The following AXDND1 variants were observed in gnomAD, a reference collection of about 807,000 sequenced individuals.
AXDND1 encodes axonemal dynein light chain domain-containing protein 1.
Under a neutral mutation model 137.5 loss-of-function variants are expected in AXDND1, and 110 were observed. The ratio of observed to expected loss-of-function variants is 0.80; its 90% CI spans 0.69 to 0.94. AXDND1 has a LOEUF of 0.94. Among genes scored for constraint, AXDND1 ranks in the 40% least tolerant of loss-of-function variants. The pLI is 0.00. For missense variants in AXDND1, 1,191 were observed against 1,169.8 expected, an observed-to-expected ratio of 1.02 and a Z score of -0.26; for synonymous variants, 414 against 399.7, an observed-to-expected ratio of 1.04 and a Z score of -0.43.
chr1:179,469,286 C>G (rs1663630582), intron 17 of AXDND1, among the ~76,000 whole-genome samples: 1 of 152,086 alleles, frequency 6.6e-6, no homozygotes, highest in South Asian at 2.1e-4. Flanking sequence ...TTGTGTCTAA[C>G]TTCTTTGACT....
At chr1:179,536,194 G>A (rs555129677) in intron 25 of AXDND1, among the ~76,000 whole-genome samples, 1 of 152,254 alleles carries the variant, frequency 6.6e-6, no homozygotes, top group East Asian at 1.9e-4. Context: ...TTCTTTTGCT[G>A]TGCAGAAGCT....
At chr1:179,548,746 T>C (rs1461755492) in intron 25 of AXDND1, 2 of 152,206 alleles carry the variant, frequency 1.3e-5, no homozygotes, top group Non-Finnish European at 2.9e-5. Flanking sequence ...AATGACCTGC[T>C]GAGCCTTCTA....
chr1:179,442,762 CCAGCAGACCTT>C (rs1659175059), intron 15 of AXDND1, among the ~76,000 whole-genome samples: 1 of 152,180 alleles, frequency 6.6e-6, no homozygotes, highest in African/African-American at 2.4e-5. Flanking sequence ...TTCCTCTGTT[CCAGCAGACCTT>C]CTTTGTTCAC....
intron 23 of AXDND1, among the ~76,000 whole-genome samples, chr1:179,529,016 T>C (rs1477940562): frequency 6.6e-6 from 1 of 152,234 alleles, no homozygotes; most frequent in East Asian, 1.9e-4. Flanking sequence ...AATAAGCACA[T>C]ACCCATAAGA....
At chr1:179,381,943 A>ATTT (rs71111920) in intron 6 of AXDND1, among the ~76,000 whole-genome samples, 108 of 105,426 alleles carry the variant, frequency 1.0e-3, no homozygotes, top group Admixed American at 2.0e-3. Context: ...ACCACACCTA[A>ATTT]TTTTTTTTTT....
intron 15 of AXDND1, among the ~76,000 whole-genome samples, chr1:179,439,985 G>A (rs4651029): frequency 0.32 from 49,031 of 152,048 alleles, 8,275 homozygotes; most frequent in Middle Eastern, 0.43. Context: ...TAACATTTTC[G>A]GATAAATTTT....
chr1:179,509,414 C>T lies in AXDND1; in HGVS notation c.2496+11C>T. 6.6e-7 allele frequency: 1 copy of T among 1,514,000 alleles called. No homozygotes were observed. Among genetic ancestry groups the T allele is most frequent in the Non-Finnish European group, 9.2e-7 (1 of 1,090,152 alleles). The allele number at this position is 1,514,000 out of a possible 1,614,324, so 93.8% of individuals were successfully genotyped here. A position where few individuals can be genotyped will look rare whatever the true frequency, so the allele number is the denominator to read the frequency against. On this transcript the variant is annotated intron_variant, in intron 21 of 25. Coordinates refer to ENST00000367618, the MANE Select transcript of AXDND1 (RefSeq NM_144696.6). ...CGGCTACTTGAAGAGGTATTTGCCA[C>T]ATGTTAGCGTTGGTCATTATTCAGA...
chr1:179,508,568 G>C (rs1668743986), intron 20 of AXDND1, among the ~76,000 whole-genome samples: 1 of 152,102 alleles, frequency 6.6e-6, no homozygotes, highest in South Asian at 2.1e-4. Context: ...ACTGTTAGGA[G>C]ATCTTGGTAA....
At chr1:179,510,512 T>C (rs760159301) in intron 21 of AXDND1, among the ~76,000 whole-genome samples, 6 of 152,126 alleles carry the variant, frequency 3.9e-5, no homozygotes, top group Non-Finnish European at 7.4e-5. Context: ...CTTTAACAAA[T>C]GTGCTGTCTA....
At chr1:179,537,910 T>C (rs560201408) in intron 25 of AXDND1, among the ~76,000 whole-genome samples, 1 of 152,150 alleles carries the variant, frequency 6.6e-6, no homozygotes, top group East Asian at 1.9e-4. Context: ...GTCTTCCTGG[T>C]TTAGTCTTGG....
chr1:179,505,265 A>G (rs1053568451), intron 20 of AXDND1, among the ~76,000 whole-genome samples: 1 of 151,830 alleles, frequency 6.6e-6, no homozygotes, highest in African/African-American at 2.4e-5. Context: ...TACTAGACTG[A>G]TATTTGGATG....
At chr1:179,526,986 C>T (rs1208124612) in intron 22 of AXDND1, among the ~76,000 whole-genome samples, 1 of 152,214 alleles carries the variant, frequency 6.6e-6, no homozygotes, top group Non-Finnish European at 1.5e-5. Flanking sequence ...TGTCATGATT[C>T]AGAGCCCAGG....
chr1:179,410,727 C>A (rs1653742510), intron 11 of AXDND1, among the ~76,000 whole-genome samples: 1 of 152,066 alleles, frequency 6.6e-6, no homozygotes, highest in African/African-American at 2.4e-5. Flanking sequence ...GGACTTTGTA[C>A]CTTTCATAAA....
In AXDND1 at chr1:179,383,528, A is replaced by T; in HGVS notation, c.725A>T (p.Tyr242Phe). ...AGGGCTGGTGTGGAAAATCAGGAAT[A>T]TACAGGACCAACGAAGGTAATTGCA... ...LERAGVENQE[Y>F]TGPTKMHKLL... Residue 242 changes from tyrosine to phenylalanine, a missense_variant, in exon 8 of 26, where the codon TAT (tyrosine) becomes TTT (phenylalanine). Tyr to Phe is a conservative substitution (Grantham distance 22, BLOSUM62 3). Coordinates refer to ENST00000367618, the MANE Select transcript of AXDND1 (RefSeq NM_144696.6). 3 of 1,613,398 alleles carry T rather than the reference A, an allele frequency of 1.9e-6. No individual in the cohort carries two copies. The highest frequency in any genetic ancestry group is 2.5e-6 in the Non-Finnish European group (3 of 1,179,410).
chr1:179,441,860 T>C (rs946901475), intron 15 of AXDND1, among the ~76,000 whole-genome samples: 7 of 152,176 alleles, frequency 4.6e-5, no homozygotes, highest in Non-Finnish European at 1.0e-4. Flanking sequence ...TCTTGCCAAT[T>C]TAAATTCCAT....
At chr1:179,495,762 C>G (rs945794095) in intron 20 of AXDND1, among the ~76,000 whole-genome samples, 2 of 151,704 alleles carry the variant, frequency 1.3e-5, no homozygotes, top group African/African-American at 4.8e-5. Flanking sequence ...GAGCAGATAT[C>G]CTTGCCTTGG....
At chr1:179,530,257 C>A (rs12140376) in intron 23 of AXDND1, among the ~76,000 whole-genome samples, 15,730 of 152,128 alleles carry the variant, frequency 0.1, 1,133 homozygotes, top group East Asian at 0.35. Flanking sequence ...TCTTGAACTC[C>A]TGACCTCATG....
At chr1:179,537,005 T>G (rs1446645273) in intron 25 of AXDND1, among the ~76,000 whole-genome samples, 1 of 152,254 alleles carries the variant, frequency 6.6e-6, no homozygotes, top group African/African-American at 2.4e-5. Flanking sequence ...ATGATTTGGC[T>G]GTTTGTCTGT....
intron 4 of AXDND1, among the ~76,000 whole-genome samples, chr1:179,375,170 C>G (rs548249871): frequency 6.6e-6 from 1 of 151,824 alleles, no homozygotes; most frequent in African/African-American, 2.4e-5. Flanking sequence ...GTGATCTTGG[C>G]TCACTGCAAC....
Sources: gnomAD v4.1 joint callset for allele counts (sites outside exome capture counted in the v4.1 genomes callset) on GRCh38, gnomAD v4.1.1 for gene constraint, MANE v1.5 for transcripts, NCBI Gene and HGNC (gene_info 2026-07-23, HGNC 2026-07-21) for gene names.